The following SLC36A4 variants were observed in gnomAD, a reference collection of about 807,000 sequenced individuals.
SLC36A4 encodes solute carrier family 36 member 4.
SLC36A4 carries 49 observed loss-of-function variants against 50.5 expected under a neutral mutation model. The observed-to-expected ratio is 0.97, with a 90% CI of 0.77 to 1.23. The LOEUF is 1.23. SLC36A4 is among the 50% of genes most tolerant of loss of function. The probability of loss-of-function intolerance (pLI) is 0.00; values close to 1 mark genes in which losing one functional copy is unlikely to be tolerated. For synonymous variants in SLC36A4, 207 were observed against 206.5 expected (o/e 1.00, Z -0.02); for missense variants, 611 against 608.4 (o/e 1.00, Z -0.05).
intron 7 of SLC36A4, chr11:93,166,393 G>A (rs1860867696): frequency 1.0e-6 from 1 of 993,070 alleles, no homozygotes; most frequent in Non-Finnish European, 1.2e-6. Context: ...TGCTGCTGGT[G>A]CCTAGCAGAA....
chr11:93,197,517 T>C, intron 1 of SLC36A4: 1 of 526,942 alleles, frequency 1.9e-6, no homozygotes, highest in Non-Finnish European at 3.3e-6. Context: ...CCCGCCCCAC[T>C]CAACACACAC....
Position 93,152,108 on chromosome 11 carries a change from G to A in SLC36A4, c.1207+2000C>T, listed in dbSNP as rs531393355. On this transcript the variant is annotated intron_variant, in intron 10 of 10. Transcript: ENST00000326402. ...CAACCAACATAATCCAAGCTGATAA[G>A]TCCACTTCTTTAAGGACTAATACAA... The A allele has an allele frequency of 5.0e-4, 76 of 152,168 alleles. 2 individuals carry two copies. Among genetic ancestry groups the A allele is most frequent in the African/African-American group, 1.8e-3 (73 of 41,544 alleles). The allele number at this position is 152,168 out of a possible 1,614,324, so 9.4% of individuals were successfully genotyped here.
At chr11:93,170,806 T>C (rs1176649588) in intron 6 of SLC36A4, among the ~76,000 whole-genome samples, 1 of 152,054 alleles carries the variant, frequency 6.6e-6, no homozygotes, top group East Asian at 1.9e-4. Flanking sequence ...CCCCTACTGA[T>C]TGTACATAAA....
intron 1 of SLC36A4, among the ~76,000 whole-genome samples, chr11:93,194,898 C>T (rs1264589772): frequency 6.6e-6 from 1 of 152,166 alleles, no homozygotes; most frequent in Non-Finnish European, 1.5e-5. Context: ...TCAAACTTAA[C>T]ATGCCCCAAA....
At chr11:93,169,350 T>C (rs1861029378) in intron 6 of SLC36A4, among the ~76,000 whole-genome samples, 1 of 152,080 alleles carries the variant, frequency 6.6e-6, no homozygotes, top group South Asian at 2.1e-4. Flanking sequence ...GATTCAAACC[T>C]AAGCCTGTGA....
At chr11:93,183,991 C>T (rs1368907306) in intron 3 of SLC36A4, among the ~76,000 whole-genome samples, 2 of 152,172 alleles carry the variant, frequency 1.3e-5, no homozygotes, top group Non-Finnish European at 2.9e-5. Flanking sequence ...GGCTACCGCA[C>T]CCGGCCAACT....
At position 93,146,401 on chromosome 11, in the gene SLC36A4, A is replaced by T. The variant is rs1238150558; in HGVS notation, c.*2136T>A. 6.6e-6 allele frequency: 1 copy of T among 152,008 alleles called. No individual in the cohort carries two copies. Among genetic ancestry groups the T allele is most frequent in the Non-Finnish European group, 1.5e-5 (1 of 67,944 alleles). 9.4% of individuals were successfully genotyped at this position (152,008 alleles called of 1,614,324 possible). A position where few individuals can be genotyped will look rare whatever the true frequency, so the allele number is the denominator to read the frequency against. ...TTCAAGATTATATAATACTAGTTTC[A>T]GTGAAGATTCGTTTTCCTATAACTT... is the stretch of plus-strand genomic sequence containing the variant. On this transcript the variant is annotated 3_prime_UTR_variant, in exon 11 of 11. Transcript: ENST00000326402.
chr11:93,197,670 C>T (rs1465486552), intron 1 of SLC36A4, 108 bp downstream of exon 1: 5 of 1,213,966 alleles, frequency 4.1e-6, no homozygotes, highest in East Asian at 5.4e-5. Context: ...AGCAATCGGG[C>T]CTCAACTCAG....
chr11:93,164,974 C>T (rs1382953161), intron 8 of SLC36A4, among the ~76,000 whole-genome samples: 1 of 151,954 alleles, frequency 6.6e-6, no homozygotes, highest in Non-Finnish European at 1.5e-5. Context: ...ATTTGAGATC[C>T]TAAGGAAATG....
Position 93,146,220 on chromosome 11 carries a change from G to A in SLC36A4, c.*2317C>T, listed in dbSNP as rs1396180442. 2 of 151,788 alleles carry A rather than the reference G, an allele frequency of 1.3e-5. No individual in the cohort carries two copies. The highest frequency in any genetic ancestry group is 2.9e-5 in the Non-Finnish European group (2 of 67,894). The allele number at this position is 151,788 out of a possible 1,614,324, so 9.4% of individuals were successfully genotyped here. ...CATTGCATTTGATGAATTCCTTAAG[G>A]AAAATAAACAATGGGCCAAAGTGTA... On this transcript the variant is annotated 3_prime_UTR_variant, in exon 11 of 11. Transcript: ENST00000326402.
intron 10 of SLC36A4, among the ~76,000 whole-genome samples, chr11:93,150,369 T>G (rs988348343): frequency 2.6e-5 from 4 of 152,172 alleles, no homozygotes; most frequent in African/African-American, 9.6e-5. Flanking sequence ...ATTTATGACG[T>G]TTTATTTTTT....
At position 93,168,229 on chromosome 11, in the gene SLC36A4, C is replaced by A; in HGVS notation, c.541-58G>T. On this transcript the variant is annotated intron_variant, in intron 6 of 10. Transcript: ENST00000326402. ...GGAAAAACTTCCATCAACTTACAATCATAAAACACATGTACAAAGAAAATC... is the reference window on the plus strand; with the variant it reads ...GGAAAAACTTCCATCAACTTACAATAATAAAACACATGTACAAAGAAAATC... 2.1e-6 allele frequency: 2 copies of A among 964,804 alleles called. No individual in the cohort carries two copies. Among genetic ancestry groups the A allele is most frequent in the South Asian group, 1.6e-5 (1 of 63,212 alleles). 59.8% of individuals were successfully genotyped at this position (964,804 alleles called of 1,614,324 possible). A position where few individuals can be genotyped will look rare whatever the true frequency, so the allele number is the denominator to read the frequency against.
rs1590950984 is a variant in SLC36A4, at chr11:93,167,952, C to T, written c.760G>A (p.Val254Ile). 1.2e-6 allele frequency: 2 copies of T among 1,602,442 alleles called. No individual in the cohort carries two copies. Among genetic ancestry groups the T allele is most frequent in the Middle Eastern group, 1.7e-4 (1 of 5,988 alleles). ...AAACTTTTTATACTTACCCTGACAA[C>T]ATACTGGTAAATTATCACAAGACTG... is the stretch of plus-strand genomic sequence containing the variant. ...AVSLVIIYQY[V>I]VRNMPDPHNL... Residue 254 changes from valine to isoleucine, a missense_variant, in exon 7 of 11, where the codon GTT (valine) becomes ATT (isoleucine). Transcript: ENST00000326402.
intron 1 of SLC36A4, among the ~76,000 whole-genome samples, chr11:93,187,146 TGTTCC>T (rs531143751): frequency 0.11 from 17,074 of 152,258 alleles, 1,265 homozygotes; most frequent in Non-Finnish European, 0.16. Flanking sequence ...TTGAAAATGC[TGTTCC>T]ACTTTTGCCT....
At chr11:93,163,888 C>T (rs1156462776) in intron 8 of SLC36A4, among the ~76,000 whole-genome samples, 1 of 151,868 alleles carries the variant, frequency 6.6e-6, no homozygotes, top group Non-Finnish European at 1.5e-5. Context: ...TCATATTATT[C>T]CACTTTTGCC....
intron 9 of SLC36A4, among the ~76,000 whole-genome samples, chr11:93,157,546 T>C (rs904142126): frequency 6.6e-6 from 1 of 152,212 alleles, no homozygotes; most frequent in Non-Finnish European, 1.5e-5. Context: ...ATTCTTGTTG[T>C]AGAGATCTTT....
chr11:93,197,885 G>A lies in SLC36A4; in HGVS notation c.-53C>T. 5 of 1,493,606 alleles carry A rather than the reference G, an allele frequency of 3.3e-6. No homozygotes were observed. The highest frequency in any genetic ancestry group is 4.4e-6 in the Non-Finnish European group (5 of 1,126,056). 92.5% of individuals were successfully genotyped at this position (1,493,606 alleles called of 1,614,324 possible). A position where few individuals can be genotyped will look rare whatever the true frequency, so the allele number is the denominator to read the frequency against. ...CCCGAGTGCTCACTCTCCCGCCGCTGCGTGGCCGGCGTCAGGCCCAGGCCT... is the reference window on the plus strand; with the variant it reads ...CCCGAGTGCTCACTCTCCCGCCGCTACGTGGCCGGCGTCAGGCCCAGGCCT... On this transcript the variant is annotated 5_prime_UTR_variant, in exon 1 of 11. Coordinates refer to ENST00000326402, the MANE Select transcript of SLC36A4 (RefSeq NM_152313.4).
chr11:93,163,539 A>G (rs185550785), intron 8 of SLC36A4, among the ~76,000 whole-genome samples: 1 of 152,328 alleles, frequency 6.6e-6, no homozygotes, highest in East Asian at 1.9e-4. Flanking sequence ...AGGATAACCT[A>G]GAGGTGAAGT....
intron 6 of SLC36A4, among the ~76,000 whole-genome samples, chr11:93,177,489 G>T (rs943775929): frequency 6.6e-6 from 1 of 152,100 alleles, no homozygotes; most frequent in African/African-American, 2.4e-5. Context: ...GCTTTGTTCC[G>T]TTGCTGGCGA....
Sources: allele counts gnomAD v4.1 joint callset (sites outside exome capture counted in the v4.1 genomes callset), GRCh38; gene constraint gnomAD v4.1.1; transcripts MANE v1.5; gene names NCBI Gene and HGNC (gene_info 2026-07-23, HGNC 2026-07-21).